SHANK2: variants seen among roughly 807,000 people sequenced by gnomAD.
SHANK2 encodes the protein SH3 and multiple ankyrin repeat domains 2.
In SHANK2, 43 loss-of-function variants were observed where a neutral mutation model predicts 133.7. That is an observed-to-expected ratio of 0.32 (90% CI 0.25 to 0.41). SHANK2 has a LOEUF of 0.41. Ranked by LOEUF, SHANK2 falls within the 10% of genes least tolerant of loss-of-function variation. The probability of loss-of-function intolerance (pLI) is 1.00; values close to 1 mark genes in which losing one functional copy is unlikely to be tolerated. For synonymous variants in SHANK2, 1,017 were observed against 952.8 expected (o/e 1.07, Z -1.24); for missense variants, 1,994 against 2,235.8 (o/e 0.89, Z 2.18).
At chr11:70,950,433 C>T (rs1230179945) in intron 10 of SHANK2, among the ~76,000 whole-genome samples, 5 of 151,714 alleles carry the variant, frequency 3.3e-5, no homozygotes, top group Admixed American at 6.6e-5. Flanking sequence ...TCAGGTGATC[C>T]GCCCGCTTCA....
intron 14 of SHANK2, among the ~76,000 whole-genome samples, chr11:70,732,834 T>C (rs1298555301): frequency 1.3e-5 from 2 of 152,216 alleles, no homozygotes; most frequent in Non-Finnish European, 2.9e-5. Flanking sequence ...CCCCAGCAGC[T>C]GCCATTTCCC....
intron 14 of SHANK2, among the ~76,000 whole-genome samples, chr11:70,797,215 A>G (rs895393880): frequency 6.6e-6 from 1 of 152,218 alleles, no homozygotes; most frequent in African/African-American, 2.4e-5. Flanking sequence ...ACAACAGAGA[A>G]AGACCCCATT....
chr11:70,665,241 C>T (rs755497192), intron 15 of SHANK2, among the ~76,000 whole-genome samples: 4 of 152,134 alleles, frequency 2.6e-5, no homozygotes, highest in African/African-American at 9.7e-5. Flanking sequence ...CCAGGCAGTA[C>T]GTGATCCTCC....
At chr11:70,532,844 G>T (rs2059492446) in intron 17 of SHANK2, among the ~76,000 whole-genome samples, 1 of 152,170 alleles carries the variant, frequency 6.6e-6, no homozygotes, top group South Asian at 2.1e-4. Context: ...GTAGCCAAAA[G>T]ATGGACGCAA....
intron 14 of SHANK2, among the ~76,000 whole-genome samples, chr11:70,752,466 C>T (rs1342073023): frequency 6.6e-6 from 1 of 152,124 alleles, no homozygotes; most frequent in South Asian, 2.1e-4. Context: ...CGCCTGTAAT[C>T]CCAGCACTTT....
intron 11 of SHANK2, among the ~76,000 whole-genome samples, chr11:70,877,093 T>A (rs1262166159): frequency 6.6e-6 from 1 of 152,248 alleles, no homozygotes; most frequent in Non-Finnish European, 1.5e-5. Context: ...CACTGATATT[T>A]TTATTTCTCT....
rs369690267 is a variant in SHANK2, at chr11:70,524,363, A to G, written c.2062-21432T>C. 5.0e-4 allele frequency among the ~76,000 whole-genome samples: 76 copies of G among 152,304 alleles called. 2 individuals carry two copies. The highest frequency in any genetic ancestry group is 2.5e-3 in the Admixed American group (39 of 15,300). ...CCAGGGAGCCTGGAGAAAGGTATGG[A>G]CTATCTTCAACTTAATCTGGTGGTG... On this transcript the variant is annotated intron_variant, in intron 17 of 25. Transcript: ENST00000601538.
intron 2 of SHANK2, among the ~76,000 whole-genome samples, chr11:71,152,619 G>A (rs1952819817): frequency 6.6e-6 from 1 of 152,172 alleles, no homozygotes; most frequent in African/African-American, 2.4e-5. Flanking sequence ...TGGGGGTGAT[G>A]GTCACAAACA....
chr11:70,621,116 G>C (rs185978076), intron 17 of SHANK2, among the ~76,000 whole-genome samples: 140 of 152,318 alleles, frequency 9.2e-4, no homozygotes, highest in Admixed American at 3.1e-3. Flanking sequence ...ACCGGGATCG[G>C]GCAGGGTGTG....
chr11:70,892,904 G>T (rs1230418314), intron 11 of SHANK2, among the ~76,000 whole-genome samples: 1 of 152,170 alleles, frequency 6.6e-6, no homozygotes, highest in Non-Finnish European at 1.5e-5. Flanking sequence ...GGGGCCCACA[G>T]AGTCAACTGC....
intron 8 of SHANK2, among the ~76,000 whole-genome samples, chr11:71,090,693 T>A (rs1341875508): frequency 2.6e-5 from 4 of 152,128 alleles, no homozygotes; most frequent in African/African-American, 4.8e-5. Flanking sequence ...ATGTTATATA[T>A]GTATATGCAC....
At chr11:70,505,433 T>G (rs2059122301) in intron 17 of SHANK2, among the ~76,000 whole-genome samples, 1 of 151,690 alleles carries the variant, frequency 6.6e-6, no homozygotes. Context: ...GGCCAATGTG[T>G]GAGGCCTTGG....
At chr11:70,768,958 G>A (rs1042300113) in intron 14 of SHANK2, among the ~76,000 whole-genome samples, 2 of 152,156 alleles carry the variant, frequency 1.3e-5, no homozygotes, top group African/African-American at 4.8e-5. Flanking sequence ...CCCCAAAGGT[G>A]TCTGCACAGG....
intron 17 of SHANK2, among the ~76,000 whole-genome samples, chr11:70,630,318 G>A (rs1407619084): frequency 6.6e-6 from 1 of 152,200 alleles, no homozygotes; most frequent in Admixed American, 6.5e-5. Flanking sequence ...ACCAGGCCAC[G>A]GCTGAGGACT....
At chr11:70,822,598 G>T (rs1224334339) in intron 11 of SHANK2, among the ~76,000 whole-genome samples, 1 of 150,470 alleles carries the variant, frequency 6.6e-6, no homozygotes, top group African/African-American at 2.5e-5. Context: ...GGGGACAGAG[G>T]TGGCACTGGC....
chr11:71,238,519 C>T (rs972679412), intron 1 of SHANK2, among the ~76,000 whole-genome samples: 10 of 152,202 alleles, frequency 6.6e-5, no homozygotes, highest in Admixed American at 1.3e-4. Context: ...TGCTCTGCAC[C>T]GCAACGTACC....
At chr11:70,545,870 G>A (rs1179176323) in intron 17 of SHANK2, among the ~76,000 whole-genome samples, 1 of 152,168 alleles carries the variant, frequency 6.6e-6, no homozygotes, top group African/African-American at 2.4e-5. Context: ...ACGAGTCAGA[G>A]CTCCCATAAC....
chr11:70,606,375 G>T (rs1200230613), intron 17 of SHANK2, among the ~76,000 whole-genome samples: 1 of 151,820 alleles, frequency 6.6e-6, no homozygotes, highest in Non-Finnish European at 1.5e-5. Context: ...AATCCAGCAA[G>T]ATCCCATCTC....
chr11:70,575,234 G>A (rs1328034616), intron 17 of SHANK2, among the ~76,000 whole-genome samples: 4 of 152,186 alleles, frequency 2.6e-5, no homozygotes, highest in African/African-American at 9.7e-5. Flanking sequence ...AAGGCCAGCC[G>A]GATGTGGTAG....
Sources: allele counts gnomAD v4.1 joint callset (sites outside exome capture counted in the v4.1 genomes callset), GRCh38; gene constraint gnomAD v4.1.1; transcripts MANE v1.5; gene names NCBI Gene and HGNC (gene_info 2026-07-23, HGNC 2026-07-21).